The following MPDZ variants were observed in gnomAD, a reference collection of about 807,000 sequenced individuals.
The protein encoded by MPDZ is multiple PDZ domain crumbs cell polarity complex component.
Under a neutral mutation model 239.1 loss-of-function variants are expected in MPDZ, and 234 were observed. The observed-to-expected ratio is 0.98, with a 90% CI of 0.88 to 1.09. MPDZ has a LOEUF of 1.09. MPDZ is among the 50% of genes least tolerant of loss of function. The pLI is 0.00. For synonymous variants in MPDZ, 1,048 were observed against 881.3 expected (o/e 1.19, Z -3.35); for missense variants, 3,175 against 2,510.0 (o/e 1.26, Z -5.66).
chr9:13,152,823 A>G (rs893744850), intron 24 of MPDZ, among the ~76,000 whole-genome samples: 1 of 152,128 alleles, frequency 6.6e-6, no homozygotes, highest in African/African-American at 2.4e-5. Context: ...TTCATATGTA[A>G]TAACTGCAAA....
At chr9:13,200,986 T>A (rs1336585060) in intron 12 of MPDZ, among the ~76,000 whole-genome samples, 2 of 152,078 alleles carry the variant, frequency 1.3e-5, no homozygotes, top group Non-Finnish European at 2.9e-5. Flanking sequence ...CTGGACAATC[T>A]GTCTACTGCT....
At chr9:13,274,990 T>C (rs765929373) in intron 1 of MPDZ, among the ~76,000 whole-genome samples, 5 of 152,162 alleles carry the variant, frequency 3.3e-5, no homozygotes, top group South Asian at 2.1e-4. Flanking sequence ...CCAATGAACA[T>C]CCAGAGAAAG....
At position 13,168,455 on chromosome 9, in the gene MPDZ, C is replaced by T. The variant is rs2133901165; in HGVS notation, c.3165G>A (p.Leu1055=). 3.1e-6 allele frequency: 5 copies of T among 1,613,550 alleles called. No homozygotes were observed. Among genetic ancestry groups the T allele is most frequent in the Non-Finnish European group, 3.4e-6 (4 of 1,179,600 alleles). The change falls in exon 22 of 47, where the codon TTG becomes TTA. Residue 1055 remains leucine (L), a synonymous_variant. Coordinates refer to ENST00000319217, the MANE Select transcript of MPDZ (RefSeq NM_001378778.1). ...TGATGGTAGACTCTTCATTAATGGA[C>T]AAGATGCAGTCCCCAATGGCAATCC... The part of the protein sequence containing the change: ...DGRIAIGDCI[L]SINEESTISV...
At chr9:13,187,498 T>C (rs1009145450) in intron 17 of MPDZ, among the ~76,000 whole-genome samples, 3 of 152,156 alleles carry the variant, frequency 2.0e-5, no homozygotes, top group Non-Finnish European at 4.4e-5. Flanking sequence ...AGTGCTCTTT[T>C]GTCATAATTT....
At chr9:13,139,592 G>C (rs915496010) in intron 28 of MPDZ, among the ~76,000 whole-genome samples, 1 of 152,118 alleles carries the variant, frequency 6.6e-6, no homozygotes, top group African/African-American at 2.4e-5. Context: ...TTCTGGTATA[G>C]AAAATACACC....
At chr9:13,264,198 T>G (rs1228344800) in intron 1 of MPDZ, among the ~76,000 whole-genome samples, 1 of 152,210 alleles carries the variant, frequency 6.6e-6, no homozygotes, top group Non-Finnish European at 1.5e-5. Flanking sequence ...CTTTGGCTTT[T>G]GAAAGTTATT....
chr9:13,240,981 T>C (rs916221002), intron 3 of MPDZ, among the ~76,000 whole-genome samples: 14 of 152,174 alleles, frequency 9.2e-5, no homozygotes, highest in Non-Finnish European at 1.8e-4. Context: ...TAGACACACA[T>C]GCATAGCCAA....
chr9:13,137,467 T>C (rs747229150), intron 29 of MPDZ, among the ~76,000 whole-genome samples: 3 of 152,148 alleles, frequency 2.0e-5, no homozygotes, highest in Non-Finnish European at 2.9e-5. Flanking sequence ...GCAAATAAAA[T>C]TCTAAACCCT....
At chr9:13,122,066 T>A (rs761652719) in intron 37 of MPDZ, 21 bp downstream of exon 37, 2 of 1,612,844 alleles carry the variant, frequency 1.2e-6, no homozygotes, top group East Asian at 4.5e-5. Context: ...ATTTTGAAGG[T>A]CAAAAACAGG....
intron 1 of MPDZ, among the ~76,000 whole-genome samples, chr9:13,254,418 T>G (rs1036626839): frequency 1.3e-5 from 2 of 152,216 alleles, no homozygotes; most frequent in African/African-American, 4.8e-5. Context: ...CTTTTACATT[T>G]CAAGGTACTA....
chr9:13,138,260 A>T, intron 28 of MPDZ, 107 bp from the exon 29 acceptor site: 1 of 1,205,878 alleles, frequency 8.3e-7, no homozygotes, highest in Non-Finnish European at 1.1e-6. Context: ...ATTTTATACC[A>T]AAATGTACGC....
At chr9:13,178,486 G>A (rs957496222) in intron 19 of MPDZ, among the ~76,000 whole-genome samples, 1 of 151,918 alleles carries the variant, frequency 6.6e-6, no homozygotes, top group African/African-American at 2.4e-5. Context: ...TTCTTTATCC[G>A]ATTTTTCTCT....
intron 21 of MPDZ, among the ~76,000 whole-genome samples, chr9:13,174,210 C>A (rs1952160797): frequency 6.6e-6 from 1 of 152,126 alleles, no homozygotes; most frequent in Admixed American, 6.6e-5. Context: ...TCTTTTAAGC[C>A]TTTAATGTTC....
intron 1 of MPDZ, among the ~76,000 whole-genome samples, chr9:13,261,943 G>A (rs1031732446): frequency 6.6e-6 from 1 of 151,758 alleles, no homozygotes; most frequent in Non-Finnish European, 1.5e-5. Flanking sequence ...TACTTGGGAG[G>A]CTAAGGTGAG....
At chr9:13,124,907 G>C (rs1307336886) in intron 35 of MPDZ, among the ~76,000 whole-genome samples, 2 of 152,114 alleles carry the variant, frequency 1.3e-5, no homozygotes, top group Non-Finnish European at 2.9e-5. Context: ...GGTGCCCTTA[G>C]CAATATATTT....
At chr9:13,189,117 A>G in intron 16 of MPDZ, 124 bp from the exon 17 acceptor site, 1 of 767,526 alleles carries the variant, frequency 1.3e-6, no homozygotes, top group South Asian at 2.0e-5. Context: ...TTCATGCCAA[A>G]AAAAATCCAT....
intron 27 of MPDZ, among the ~76,000 whole-genome samples, 161 bp from the exon 28 acceptor site, chr9:13,140,310 A>G (rs1249645008): frequency 1.3e-5 from 2 of 148,542 alleles, no homozygotes; most frequent in East Asian, 2.0e-4. Flanking sequence ...TAAAATATCT[A>G]ACAAATAATG....
intron 4 of MPDZ, 146 bp from the exon 5 acceptor site, chr9:13,223,856 AC>A: frequency 5.4e-6 from 4 of 737,282 alleles, no homozygotes; most frequent in Non-Finnish European, 8.3e-6. Flanking sequence ...ACATAATGTG[AC>A]CCCATCTCTA....
Position 13,196,120 on chromosome 9 carries a change from C to A in MPDZ, c.1656+1G>T. 1 of 1,580,920 alleles carries A rather than the reference C, an allele frequency of 6.3e-7. No individual in the cohort carries two copies. Among genetic ancestry groups the A allele is most frequent in the Non-Finnish European group, 8.6e-7 (1 of 1,158,258 alleles). On this transcript the variant is annotated splice_donor_variant, in intron 13 of 46. Transcript: ENST00000319217. LOFTEE classifies it high-confidence loss of function. ...AAATTACAGAAGGTCAGCTAACCTACCACTATTTCATAGTTAATTCCCATA... is the reference window on the plus strand; with the variant it reads ...AAATTACAGAAGGTCAGCTAACCTAACACTATTTCATAGTTAATTCCCATA...
Sources: allele counts gnomAD v4.1 joint callset (sites outside exome capture counted in the v4.1 genomes callset), GRCh38; gene constraint gnomAD v4.1.1; transcripts MANE v1.5; gene names NCBI Gene and HGNC (gene_info 2026-07-23, HGNC 2026-07-21).